Variants in ADGRL3 observed in about 807,000 individuals in gnomAD.
ADGRL3 encodes the protein calcium-independent alpha-latrotoxin receptor 3.
Under a neutral mutation model 153.5 loss-of-function variants are expected in ADGRL3, and 62 were observed. That is an observed-to-expected ratio of 0.40 (90% CI 0.33 to 0.50). The LOEUF is 0.50. ADGRL3 is among the 20% of genes least tolerant of loss of function. ADGRL3 has a pLI of 0.47. For missense variants in ADGRL3, 1,641 were observed against 1,859.4 expected (o/e 0.88, Z 2.16); for synonymous variants, 710 against 672.5 (o/e 1.06, Z -0.86).
intron 9 of ADGRL3, among the ~76,000 whole-genome samples, chr4:61,831,970 C>A (rs1481647506): frequency 1.3e-5 from 2 of 152,028 alleles, no homozygotes; most frequent in African/African-American, 4.8e-5. Flanking sequence ...AGCCCTGAGC[C>A]AGTTCAAGCC....
intron 3 of ADGRL3, among the ~76,000 whole-genome samples, chr4:61,510,114 A>G (rs1242578548): frequency 1.3e-5 from 2 of 151,860 alleles, no homozygotes; most frequent in African/African-American, 4.8e-5. Flanking sequence ...TAATGGGATT[A>G]TTTGTATTTT....
chr4:61,960,021 C>T (rs1050899212), intron 17 of ADGRL3, among the ~76,000 whole-genome samples: 1 of 151,942 alleles, frequency 6.6e-6, no homozygotes, highest in Non-Finnish European at 1.5e-5. Flanking sequence ...ATGTTGAGTA[C>T]CTCAAAATAT....
intron 1 of ADGRL3, among the ~76,000 whole-genome samples, chr4:61,382,437 T>A (rs1490694629): frequency 1.3e-5 from 2 of 151,630 alleles, no homozygotes; most frequent in African/African-American, 4.8e-5. Context: ...GAAAATACTT[T>A]GAACGATAAT....
At chr4:61,378,967 A>G (rs907350412) in intron 1 of ADGRL3, among the ~76,000 whole-genome samples, 4 of 151,976 alleles carry the variant, frequency 2.6e-5, no homozygotes, top group South Asian at 2.1e-4. Context: ...TGTAATAACC[A>G]TGGTAATATT....
At chr4:61,640,481 A>C (rs2093615238) in intron 5 of ADGRL3, among the ~76,000 whole-genome samples, 1 of 152,026 alleles carries the variant, frequency 6.6e-6, no homozygotes, top group South Asian at 2.1e-4. Flanking sequence ...TCTTTGCTCC[A>C]TTTTCCCACT....
At chr4:61,673,153 G>A (rs1008709780) in intron 5 of ADGRL3, among the ~76,000 whole-genome samples, 1 of 151,864 alleles carries the variant, frequency 6.6e-6, no homozygotes, top group African/African-American at 2.4e-5. Context: ...GAAGCAGAAA[G>A]TAGAATGGTA....
chr4:61,689,911 C>T (rs765857978), intron 6 of ADGRL3, among the ~76,000 whole-genome samples: 7 of 152,040 alleles, frequency 4.6e-5, no homozygotes, highest in African/African-American at 7.2e-5. Flanking sequence ...TCAAAATTAC[C>T]TGGAGAAAGC....
At chr4:62,025,797 A>G (rs764061784) in intron 21 of ADGRL3, among the ~76,000 whole-genome samples, 10 of 152,150 alleles carry the variant, frequency 6.6e-5, no homozygotes, top group Non-Finnish European at 1.3e-4. Flanking sequence ...CAAAATTCTT[A>G]AATATACTCC....
At chr4:61,800,799 C>A (rs923762667) in intron 8 of ADGRL3, among the ~76,000 whole-genome samples, 8 of 152,180 alleles carry the variant, frequency 5.3e-5, no homozygotes, top group Admixed American at 3.3e-4. Flanking sequence ...AAAAGATTAT[C>A]ATGAAAATGA....
intron 23 of ADGRL3, among the ~76,000 whole-genome samples, chr4:62,033,183 A>G (rs1174868190): frequency 3.3e-5 from 5 of 151,728 alleles, no homozygotes; most frequent in Non-Finnish European, 5.9e-5. Flanking sequence ...TTGGGTTTTG[A>G]CATCCAACAG....
chr4:61,749,258 G>A (rs1233287086), intron 8 of ADGRL3, among the ~76,000 whole-genome samples: 2 of 151,670 alleles, frequency 1.3e-5, no homozygotes, highest in Non-Finnish European at 2.9e-5. Context: ...TTACACTGTT[G>A]GTGGGACTGT....
chr4:61,690,216 G>A (rs1014571260), intron 6 of ADGRL3, among the ~76,000 whole-genome samples: 12 of 152,072 alleles, frequency 7.9e-5, no homozygotes, highest in African/African-American at 2.9e-4. Flanking sequence ...AGGCCAAGGC[G>A]GGAGGATGGC....
At chr4:61,329,593 CTCTA>C (rs2095530464) in intron 1 of ADGRL3, among the ~76,000 whole-genome samples, 3 of 152,044 alleles carry the variant, frequency 2.0e-5, no homozygotes, top group Admixed American at 2.0e-4. Flanking sequence ...TTAAATTGTT[CTCTA>C]TCTTTCCAGA....
chr4:61,823,781 G>A (rs772932564), intron 9 of ADGRL3, among the ~76,000 whole-genome samples: 15 of 152,174 alleles, frequency 9.9e-5, no homozygotes, highest in Non-Finnish European at 1.5e-4. Context: ...TAATCCATAG[G>A]CTGGGCATGG....
chr4:61,393,215 G>A (rs2096833547), intron 2 of ADGRL3, among the ~76,000 whole-genome samples: 2 of 152,070 alleles, frequency 1.3e-5, no homozygotes, highest in East Asian at 1.9e-4. Context: ...TGATGGTCTT[G>A]GGTCATTGAG....
rs981666694 is a variant in ADGRL3, at chr4:61,340,317, G to A, written c.-239-42807G>A. 1.6e-4 allele frequency among the ~76,000 whole-genome samples: 25 copies of A among 152,046 alleles called. 1 individual carries two copies. Among genetic ancestry groups the A allele is most frequent in the African/African-American group, 5.8e-4 (24 of 41,492 alleles). On this transcript the variant is annotated intron_variant, in intron 1 of 26. Transcript: ENST00000683033. ...CGCTTCTCAGTGAATTTGTTCTCTC[G>A]TTTCCTCTTTGCTTCCACATCTTCC...
intron 5 of ADGRL3, among the ~76,000 whole-genome samples, chr4:61,611,673 G>T (rs1025781229): frequency 6.6e-6 from 1 of 151,970 alleles, no homozygotes; most frequent in Admixed American, 6.6e-5. Context: ...TTGTAATCCC[G>T]GCACTTTCAG....
intron 9 of ADGRL3, among the ~76,000 whole-genome samples, chr4:61,831,184 C>T (rs745963435): frequency 6.6e-5 from 10 of 152,010 alleles, no homozygotes; most frequent in Admixed American, 1.3e-4. Context: ...CCACCACACC[C>T]GGCCTAGCTT....
intron 4 of ADGRL3, among the ~76,000 whole-genome samples, chr4:61,578,958 C>G (rs1434343679): frequency 6.6e-6 from 1 of 152,134 alleles, no homozygotes; most frequent in Non-Finnish European, 1.5e-5. Context: ...CGGCCTATCT[C>G]TTCTCTCCTG....
Sources: allele counts gnomAD v4.1 joint callset (sites outside exome capture counted in the v4.1 genomes callset), GRCh38; gene constraint gnomAD v4.1.1; transcripts MANE v1.5; gene names NCBI Gene and HGNC (gene_info 2026-07-23, HGNC 2026-07-21).